Variants in LYPD6 observed in about 807,000 individuals in gnomAD.
LYPD6 encodes the protein LY6/PLAUR domain containing 6.
A neutral mutation model predicts 22.7 loss-of-function variants in LYPD6; 15 were observed. The observed-to-expected ratio is 0.66, with a 90% CI of 0.44 to 1.02. The LOEUF is 1.02. Among genes scored for constraint, LYPD6 ranks in the 50% least tolerant of loss-of-function variants. LYPD6 has a pLI of 0.00. For synonymous variants in LYPD6, 72 were observed against 77.5 expected (o/e 0.93, Z 0.37); for missense variants, 189 against 208.4 (o/e 0.91, Z 0.57).
At chr2:149,349,903 CTT>C (rs1422776929) in intron 1 of LYPD6, among the ~76,000 whole-genome samples, 2 of 152,000 alleles carry the variant, frequency 1.3e-5, no homozygotes, top group African/African-American at 4.8e-5. Context: ...GCAACTTTCT[CTT>C]GTTCTTAGAT....
intron 1 of LYPD6, among the ~76,000 whole-genome samples, chr2:149,385,148 CT>C (rs1682156046): frequency 6.6e-6 from 1 of 151,976 alleles, no homozygotes; most frequent in African/African-American, 2.4e-5. Context: ...CTGATTCCTC[CT>C]TTGCCCTGAA....
chr2:149,395,435 A>G (rs1177313405), intron 1 of LYPD6, among the ~76,000 whole-genome samples: 1 of 152,102 alleles, frequency 6.6e-6, no homozygotes, highest in Non-Finnish European at 1.5e-5. Flanking sequence ...TTGAATTTAT[A>G]TGCTTTATTT....
At chr2:149,389,700 C>G (rs933061250) in intron 1 of LYPD6, among the ~76,000 whole-genome samples, 2 of 152,154 alleles carry the variant, frequency 1.3e-5, no homozygotes, top group African/African-American at 4.8e-5. Flanking sequence ...TCTGTAAGCT[C>G]TTTTGTTCAA....
chr2:149,359,803 AG>A (rs1435782801), intron 1 of LYPD6, among the ~76,000 whole-genome samples: 2 of 152,304 alleles, frequency 1.3e-5, no homozygotes, highest in African/African-American at 4.8e-5. Flanking sequence ...CTCTATTACT[AG>A]AAAGGGATCC....
intron 1 of LYPD6, among the ~76,000 whole-genome samples, chr2:149,385,766 C>T (rs1444875766): frequency 2.6e-5 from 4 of 152,044 alleles, no homozygotes; most frequent in Admixed American, 1.3e-4. Flanking sequence ...AATCAAAATG[C>T]ACATTTGTCT....
chr2:149,471,037 A>T lies in LYPD6; in HGVS notation c.*187A>T. 3.9e-6 allele frequency: 2 copies of T among 507,388 alleles called. No individual in the cohort carries two copies. Among genetic ancestry groups the T allele is most frequent in the Non-Finnish European group, 7.0e-6 (2 of 285,588 alleles). 31.4% of individuals were successfully genotyped at this position (507,388 alleles called of 1,614,324 possible). A position where few individuals can be genotyped will look rare whatever the true frequency, so the allele number is the denominator to read the frequency against. ...CTTCATTGTAGCCATTTTGAGTCTA[A>T]CCGAGACTCATCAAAGCCTTCTGTC... On this transcript the variant is annotated 3_prime_UTR_variant, in exon 5 of 5. Transcript: ENST00000334166.
At chr2:149,457,042 G>A (rs1349494601) in intron 3 of LYPD6, among the ~76,000 whole-genome samples, 2 of 152,108 alleles carry the variant, frequency 1.3e-5, no homozygotes, top group African/African-American at 4.8e-5. Flanking sequence ...TTTTTACAGC[G>A]TGTTTGTACA....
At chr2:149,409,213 C>T (rs572646931) in intron 1 of LYPD6, among the ~76,000 whole-genome samples, 8 of 152,268 alleles carry the variant, frequency 5.3e-5, no homozygotes, top group South Asian at 4.1e-4. Flanking sequence ...TACCAGGCTC[C>T]GGGCTGGTAC....
At chr2:149,430,661 T>C (rs1490294954) in intron 1 of LYPD6, among the ~76,000 whole-genome samples, 1 of 152,250 alleles carries the variant, frequency 6.6e-6, no homozygotes, top group Non-Finnish European at 1.5e-5. Context: ...TCTGTTTGAA[T>C]AGCATTGAAA....
At chr2:149,399,240 T>C (rs1682498623) in intron 1 of LYPD6, among the ~76,000 whole-genome samples, 1 of 152,350 alleles carries the variant, frequency 6.6e-6, no homozygotes, top group African/African-American at 2.4e-5. Context: ...ACAGTGTTAT[T>C]AGTACCTGTA....
At position 149,461,914 on chromosome 2, in the gene LYPD6, C is replaced by T. The variant is rs994398477; in HGVS notation, c.218-6731C>T. On this transcript the variant is annotated intron_variant, in intron 3 of 4. Transcript: ENST00000334166. ...AGAAACTTCTTCAACTTGATAACAT[C>T]GATTAAAAACCTACCACTAACATTA... is the stretch of plus-strand genomic sequence containing the variant. 7.2e-5 allele frequency among the ~76,000 whole-genome samples: 11 copies of T among 152,066 alleles called. No individual in the cohort carries two copies. In the East Asian group the frequency reaches 1.5e-3, roughly 21 times the overall value.
intron 1 of LYPD6, among the ~76,000 whole-genome samples, chr2:149,426,233 A>G (rs1484536590): frequency 6.6e-6 from 1 of 152,224 alleles, no homozygotes; most frequent in Non-Finnish European, 1.5e-5. Flanking sequence ...TAGTAATTAC[A>G]GCTCTTTCTT....
At chr2:149,385,157 G>C (rs1370616589) in intron 1 of LYPD6, among the ~76,000 whole-genome samples, 1 of 151,836 alleles carries the variant, frequency 6.6e-6, no homozygotes, top group Non-Finnish European at 1.5e-5. Flanking sequence ...CCTTTGCCCT[G>C]AAGGAAAGTT....
At chr2:149,449,739 AATAG>A (rs1387318272) in intron 3 of LYPD6, among the ~76,000 whole-genome samples, 1 of 152,238 alleles carries the variant, frequency 6.6e-6, no homozygotes, top group Non-Finnish European at 1.5e-5. Flanking sequence ...ATCAAAAAGA[AATAG>A]ATGGTTATAT....
intron 1 of LYPD6, among the ~76,000 whole-genome samples, chr2:149,332,059 A>G (rs1423887771): frequency 6.6e-6 from 1 of 152,244 alleles, no homozygotes; most frequent in Non-Finnish European, 1.5e-5. Flanking sequence ...TGCAAAAGGT[A>G]TTTGTGCAAT....
intron 2 of LYPD6, among the ~76,000 whole-genome samples, chr2:149,446,113 G>GAAT (rs1448708987): frequency 1.3e-5 from 2 of 152,178 alleles, no homozygotes; most frequent in African/African-American, 4.8e-5. Context: ...AGAGATGGAA[G>GAAT]AATAGCAGGT....
chr2:149,349,703 A>G (rs143142796), intron 1 of LYPD6, among the ~76,000 whole-genome samples: 2 of 152,206 alleles, frequency 1.3e-5, no homozygotes, highest in Non-Finnish European at 2.9e-5. Context: ...GTGCTGCCTT[A>G]TATTTTGTAG....
intron 3 of LYPD6, among the ~76,000 whole-genome samples, chr2:149,468,188 C>CACACACACACACA (rs1681249264): frequency 2.7e-5 from 4 of 147,646 alleles, no homozygotes; most frequent in African/African-American, 5.0e-5. Context: ...CACACACACA[C>CACACACACACACA]CAGCCACTGC....
chr2:149,367,510 G>T (rs138709099), intron 1 of LYPD6, among the ~76,000 whole-genome samples: 1 of 152,152 alleles, frequency 6.6e-6, no homozygotes, highest in African/African-American at 2.4e-5. Context: ...TTACACAAGC[G>T]CATTAACACC....
Sources: allele counts gnomAD v4.1 joint callset (sites outside exome capture counted in the v4.1 genomes callset), GRCh38; gene constraint gnomAD v4.1.1; transcripts MANE v1.5; gene names NCBI Gene and HGNC (gene_info 2026-07-23, HGNC 2026-07-21).